CCDC30: variants seen among roughly 807,000 people sequenced by gnomAD.
The protein encoded by CCDC30 is coiled-coil domain-containing protein 30.
In CCDC30, 70 loss-of-function variants were observed where a neutral mutation model predicts 100.2. The ratio of observed to expected loss-of-function variants is 0.70; its 90% CI spans 0.58 to 0.85. CCDC30 has a LOEUF of 0.85. CCDC30 is among the 40% of genes least tolerant of loss of function. CCDC30 has a pLI of 0.00. For synonymous variants in CCDC30, 233 were observed against 269.5 expected, an observed-to-expected ratio of 0.86 and a Z score of 1.33; for missense variants, 652 against 771.2, an observed-to-expected ratio of 0.85 and a Z score of 1.83.
At chr1:42,572,177 A>T (rs1407347250) in intron 7 of CCDC30, among the ~76,000 whole-genome samples, 1 of 152,254 alleles carries the variant, frequency 6.6e-6, no homozygotes, top group Non-Finnish European at 1.5e-5. Flanking sequence ...CAACTCTTGG[A>T]ACTGTCAGAC....
intron 15 of CCDC30, among the ~76,000 whole-genome samples, chr1:42,652,706 C>G (rs1408412): frequency 0.28 from 41,842 of 152,018 alleles, 6,269 homozygotes; most frequent in Middle Eastern, 0.35. Context: ...CCATAAAAGA[C>G]ATAAACTATT....
intron 11 of CCDC30, among the ~76,000 whole-genome samples, chr1:42,623,683 T>G (rs918699297): frequency 6.6e-6 from 1 of 152,230 alleles, no homozygotes; most frequent in Admixed American, 6.5e-5. Context: ...TCCAGTTTTG[T>G]TCTTTATGCT....
At chr1:42,519,288 T>C (rs113779517) in intron 6 of CCDC30, among the ~76,000 whole-genome samples, 3,153 of 152,312 alleles carry the variant, frequency 0.021, 121 homozygotes, top group African/African-American at 0.072. Flanking sequence ...AGAGTAATTA[T>C]GTCCTCTTCA....
the CCDC30 span, chr1:42,456,744 TC>T: frequency 6.2e-7 from 1 of 1,611,376 alleles, no homozygotes. Flanking sequence ...CTGGACAACT[TC>T]AGCAGCGGGC....
intron 15 of CCDC30, among the ~76,000 whole-genome samples, chr1:42,651,731 G>A (rs147662396): frequency 1.3e-5 from 2 of 152,086 alleles, no homozygotes; most frequent in Non-Finnish European, 2.9e-5. Flanking sequence ...TTAATTAGTT[G>A]GGTGTGGTGG....
At chr1:42,524,176 C>T (rs1644689971) in intron 6 of CCDC30, among the ~76,000 whole-genome samples, 1 of 151,288 alleles carries the variant, frequency 6.6e-6, no homozygotes, top group Non-Finnish European at 1.5e-5. Flanking sequence ...AAAAATTGAA[C>T]ATCTGAATCT....
intron 10 of CCDC30, chr1:42,593,523 G>A (rs1220942068): frequency 6.6e-6 from 1 of 152,124 alleles, no homozygotes; most frequent in Non-Finnish European, 1.5e-5. Flanking sequence ...ATCATTAACT[G>A]TTAGTGATTA....
At chr1:42,512,327 T>C (rs1442719481) in intron 6 of CCDC30, among the ~76,000 whole-genome samples, 1 of 152,096 alleles carries the variant, frequency 6.6e-6, no homozygotes, top group Non-Finnish European at 1.5e-5. Context: ...ATGGCCAGAT[T>C]TGGGGGCCCA....
At chr1:42,490,496 T>C (rs1258731715) in intron 4 of CCDC30, among the ~76,000 whole-genome samples, 1 of 151,214 alleles carries the variant, frequency 6.6e-6, no homozygotes, top group Non-Finnish European at 1.5e-5. Flanking sequence ...TATTTAGGAA[T>C]TAAAATAATA....
At chr1:42,648,495 C>G (rs1267977986) in intron 15 of CCDC30, among the ~76,000 whole-genome samples, 1 of 151,890 alleles carries the variant, frequency 6.6e-6, no homozygotes, top group Non-Finnish European at 1.5e-5. Context: ...ACAGTGAAAC[C>G]CTGTCTCTAC....
chr1:42,578,089 C>T (rs1416664039), intron 8 of CCDC30, among the ~76,000 whole-genome samples: 1 of 151,926 alleles, frequency 6.6e-6, no homozygotes, highest in Non-Finnish European at 1.5e-5. Context: ...TTTAGATTGC[C>T]CGACACTAGG....
chr1:42,524,402 A>G lies in CCDC30; in HGVS notation c.456+25486A>G, dbSNP rs375315356. 1.7e-4 allele frequency among the ~76,000 whole-genome samples: 26 copies of G among 152,238 alleles called. No individual in the cohort carries two copies. The East Asian group carries it at 3.7e-3, about 21-fold the overall frequency. Reference sequence around the variant, plus strand: ...TTGCTTTCAAATGTTCTGCTCTTTAATGACTGGCTTCCAAAAAGGGAAAAA... The same window carrying G: ...TTGCTTTCAAATGTTCTGCTCTTTAGTGACTGGCTTCCAAAAAGGGAAAAA... On this transcript the variant is annotated intron_variant, in intron 6 of 16. Coordinates refer to ENST00000668663, the Ensembl canonical transcript of CCDC30.
At chr1:42,510,260 C>A in intron 6 of CCDC30, 1 of 375,532 alleles carries the variant, frequency 2.7e-6, no homozygotes, top group Non-Finnish European at 3.7e-6. Flanking sequence ...GATTGCTCAT[C>A]TCCAAATTTC....
chr1:42,465,069 A>C (rs1643527450), intron 1 of CCDC30, among the ~76,000 whole-genome samples: 2 of 152,230 alleles, frequency 1.3e-5, no homozygotes, highest in Non-Finnish European at 2.9e-5. Context: ...TTCCTCTTCT[A>C]ATATGTATTT....
At chr1:42,513,439 C>T (rs769461495) in intron 6 of CCDC30, among the ~76,000 whole-genome samples, 15 of 152,234 alleles carry the variant, frequency 9.9e-5, no homozygotes, top group Non-Finnish European at 1.8e-4. Flanking sequence ...ACTTGGCCAG[C>T]GCCATCTTGT....
chr1:42,503,566 C>T (rs1044850131), intron 6 of CCDC30, among the ~76,000 whole-genome samples: 25 of 152,280 alleles, frequency 1.6e-4, no homozygotes, highest in Admixed American at 9.8e-4. Context: ...ATACTGTACA[C>T]GTGGCTGGCA....
intron 1 of CCDC30, among the ~76,000 whole-genome samples, chr1:42,465,358 T>TTTTTGTTTTG (rs201302325): frequency 6.6e-6 from 1 of 150,384 alleles, no homozygotes; most frequent in Non-Finnish European, 1.5e-5. Context: ...TTTGTTTTTG[T>TTTTTGTTTTG]TTTTGTTTTG....
chr1:42,552,993 G>A (rs962362102), intron 6 of CCDC30, among the ~76,000 whole-genome samples: 8 of 152,128 alleles, frequency 5.3e-5, no homozygotes, highest in Non-Finnish European at 1.2e-4. Flanking sequence ...CCCAGTCAGG[G>A]AATTGGAATC....
At chr1:42,500,305 T>C in intron 6 of CCDC30, 6 of 1,610,678 alleles carry the variant, frequency 3.7e-6, no homozygotes, top group Non-Finnish European at 5.1e-6. Context: ...CTTATCGAAT[T>C]TCTCCATCTC....
Sources: allele counts gnomAD v4.1 joint callset (sites outside exome capture counted in the v4.1 genomes callset), GRCh38; gene constraint gnomAD v4.1.1; transcripts MANE v1.5; gene names NCBI Gene and HGNC (gene_info 2026-07-23, HGNC 2026-07-21).